Variants in SGSH observed in about 807,000 individuals in gnomAD.
SGSH encodes heparan sulfate sulfatase.
SGSH carries 48 observed loss-of-function variants against 51.0 expected under a neutral mutation model. The ratio of observed to expected loss-of-function variants is 0.94; its 90% CI spans 0.75 to 1.20. The LOEUF (loss-of-function observed/expected upper bound fraction) is 1.20. Among genes scored for constraint, SGSH ranks in the 50% most tolerant of loss-of-function variants. The probability of loss-of-function intolerance (pLI) is 0.00; values close to 1 mark genes in which losing one functional copy is unlikely to be tolerated. For missense variants in SGSH, 662 were observed against 717.8 expected (o/e 0.92, Z 0.89); for synonymous variants, 321 against 313.4 (o/e 1.02, Z -0.26).
At chr17:80,206,883 G>A, downstream of SGSH, 1 of 842,720 alleles carries the variant, frequency 1.2e-6, no homozygotes. Context: ...AGCCTGTCCG[G>A]AGGGCCCTTC....
chr17:80,202,186 A>T (rs1184669014), downstream of SGSH: 2 of 1,613,448 alleles, frequency 1.2e-6, no homozygotes, highest in South Asian at 2.2e-5. Context: ...TCAGGTTATA[A>T]GAGGCTACTC....
At chr17:80,206,202 C>G (rs761821633), downstream of SGSH, among the ~76,000 whole-genome samples, 51 of 152,316 alleles carry the variant, frequency 3.3e-4, no homozygotes, top group Non-Finnish European at 4.4e-4. Context: ...CTGGGGCTCA[C>G]GCCTGTCATC....
rs2041753515 is a variant in SGSH, at chr17:80,213,425, G to A, written c.745+379C>T. On this transcript the variant is annotated intron_variant, in intron 6 of 7. Coordinates refer to ENST00000326317, the MANE Select transcript of SGSH (RefSeq NM_000199.5). The surrounding 1 kb of genome is among the most constrained non-coding windows in gnomAD (Gnocchi z 4.6). ...ACTTCTGGCCTCCTGAACTGTGGGA[G>A]TACAAATTTTGGTTGCTGTAAGCCA... The A allele has an allele frequency of 7.1e-6, 2 of 279,818 alleles. No individual in the cohort carries two copies. The highest frequency in any genetic ancestry group is 8.9e-5 in the South Asian group (2 of 22,518). 17.3% of individuals were successfully genotyped at this position (279,818 alleles called of 1,614,324 possible).
Position 80,210,013 on chromosome 17 carries a change from T to C in SGSH, c.*439A>G. ...CCCACGCGGCACCGAAGCCCCTGCC[T>C]GCTCTCTGTGAAGGGTTCAGAAGTA... On this transcript the variant is annotated 3_prime_UTR_variant, in exon 8 of 8. Transcript: ENST00000326317. 2.9e-6 allele frequency: 3 copies of C among 1,049,546 alleles called. No homozygotes were observed. The highest frequency in any genetic ancestry group is 3.5e-6 in the Non-Finnish European group (3 of 868,804). The allele number at this position is 1,049,546 out of a possible 1,614,324, so 65.0% of individuals were successfully genotyped here.
At chr17:80,205,601 CG>C, downstream of SGSH, 7 of 1,376,938 alleles carry the variant, frequency 5.1e-6, no homozygotes, top group Non-Finnish European at 6.8e-6. Context: ...GAGAGGTGTC[CG>C]GGGGCCGCTG....
At position 80,214,621 on chromosome 17, in the gene SGSH, T is replaced by C; in HGVS notation, c.500A>G (p.Asp167Gly). Residue 167 changes from aspartate to glycine, a missense_variant, in exon 4 of 8, where the codon GAT becomes GGT. Transcript: ENST00000326317. ...LLVRKFLQTQDDRPFFLYVAF... is the reference protein window; with the variant it reads ...LLVRKFLQTQGDRPFFLYVAF... ...CAGGGGCCCCGACTCATACCGGTCA[T>C]CCTGAGTCTGCAGGAATTTCCGGAC... is the stretch of plus-strand genomic sequence containing the variant. The C allele has an allele frequency of 1.9e-6, 3 of 1,612,986 alleles. No homozygotes were observed. Among genetic ancestry groups the C allele is most frequent in the South Asian group, 2.2e-5 (2 of 90,980 alleles).
intron 2 of SGSH, among the ~76,000 whole-genome samples, chr17:80,215,850 G>A (rs2041871314): frequency 6.6e-6 from 1 of 152,118 alleles, no homozygotes; most frequent in South Asian, 2.1e-4. Flanking sequence ...GTTCATAGCA[G>A]CTTTATTCAC....
At chr17:80,201,440 C>CTT in the SGSH span, 1 of 367,914 alleles carries the variant, frequency 2.7e-6, no homozygotes, top group Non-Finnish European at 5.0e-6. The surrounding 1 kb of genome is among the most constrained non-coding windows in gnomAD (Gnocchi z 5.0). Context: ...AACCGAGGTT[C>CTT]TTTCTTTTCT....
At chr17:80,216,971 G>A (rs1205621615) in intron 2 of SGSH, 61 bp downstream of exon 2, 22 of 1,461,820 alleles carry the variant, frequency 1.5e-5, no homozygotes, top group Non-Finnish European at 2.0e-5. Flanking sequence ...CAGAGGCCTG[G>A]GCCCCGGACG....
rs372328165 is a variant in SGSH at position 80,214,772 on chromosome 17, G to A, written c.356-7C>T. ...TGCTTCTTCCCGATGATGCCTGGGC[G>A]GGAAGAGAGGCCTGGCCAGAGTCCC... On this transcript the variant is annotated splice_region_variant and splice_polypyrimidine_tract_variant and intron_variant, in intron 3 of 7. Coordinates refer to ENST00000326317, the MANE Select transcript of SGSH (RefSeq NM_000199.5). The A allele has an allele frequency of 4.0e-5, 65 of 1,609,970 alleles. 1 individual carries two copies. Among genetic ancestry groups the A allele is most frequent in the African/African-American group, 2.7e-4 (20 of 75,044 alleles).
downstream of SGSH, chr17:80,203,756 G>T: frequency 7.7e-7 from 1 of 1,300,202 alleles, no homozygotes; most frequent in Admixed American, 2.2e-5. This position sits in a 1 kb window ranked among gnomAD's most constrained non-coding sequence, Gnocchi z 4.6. Context: ...TCCCCTGCTC[G>T]GCTCTCCCCT....
In SGSH at chr17:80,214,252, C is replaced by A; in HGVS notation, c.583G>T (p.Glu195Ter). ...CCGCTCTCTCCGTTGCCAAACTTCT[C>A]ACAGAAGGTTCCGTACTGGGGCTGG... ...HSQPQYGTFC[E>*]KFGNGESGMG... Residue 195 changes from glutamate to a stop codon, truncating the protein, a stop_gained, in exon 5 of 8, where the codon GAG (glutamate) becomes TAG (stop). Transcript: ENST00000326317. LOFTEE classifies it high-confidence loss of function. 6.2e-7 allele frequency: 1 copy of A among 1,613,290 alleles called. No individual in the cohort carries two copies. Among genetic ancestry groups the A allele is most frequent in the Non-Finnish European group, 8.5e-7 (1 of 1,180,018 alleles).
rs1463726853 is a variant in SGSH at position 80,209,904 on chromosome 17, C to T, written c.*548G>A. 1.9e-5 allele frequency: 19 copies of T among 992,306 alleles called. No homozygotes were observed. Among genetic ancestry groups the T allele is most frequent in the South Asian group, 9.1e-5 (2 of 21,910 alleles). The allele number at this position is 992,306 out of a possible 1,614,324, so 61.5% of individuals were successfully genotyped here. A position where few individuals can be genotyped will look rare whatever the true frequency, so the allele number is the denominator to read the frequency against. ...AAGAAGCAGAAACCTGCCCAAAGGT[C>T]GCTCAAAGGCTTCCTCTAGGCCAGA... On this transcript the variant is annotated 3_prime_UTR_variant, in exon 8 of 8. Transcript: ENST00000326317.
In SGSH at chr17:80,216,995, C is replaced by A. The variant is rs928092342; in HGVS notation, c.249+37G>T. 26 of 1,522,152 alleles carry A rather than the reference C, an allele frequency of 1.7e-5. 1 individual carries two copies. Among genetic ancestry groups the A allele is most frequent in the Middle Eastern group, 4.5e-4 (2 of 4,408 alleles). 94.3% of individuals were successfully genotyped at this position (1,522,152 alleles called of 1,614,324 possible). On this transcript the variant is annotated intron_variant, in intron 2 of 7. Transcript: ENST00000326317. The stretch of plus-strand genomic sequence containing the variant: ...GGGCCCCGGACGCAGCCTGTCTACT[C>A]CCTGCCCACCCCCTCCTCCCGCCCC...
intron 1 of SGSH, among the ~76,000 whole-genome samples, chr17:80,218,246 C>T (rs2041964637): frequency 6.6e-6 from 1 of 152,244 alleles, no homozygotes; most frequent in South Asian, 2.1e-4. Flanking sequence ...CCCACCGCTG[C>T]TTCTCACTGA....
rs973461671 is a variant in SGSH, at chr17:80,209,656, C to A, written c.*796G>T. ...ACGCCAGTGTCACCGAAGAATTAAC[C>A]CAAGCCAGAGGACGGGCATCACCAC... On this transcript the variant is annotated 3_prime_UTR_variant, in exon 8 of 8. Coordinates refer to ENST00000326317, the MANE Select transcript of SGSH (RefSeq NM_000199.5). 6 of 983,128 alleles carry A rather than the reference C, an allele frequency of 6.1e-6. No homozygotes were observed. The African/African-American group carries it at 1.1e-4, about 17-fold the overall frequency. The allele number at this position is 983,128 out of a possible 1,614,324, so 60.9% of individuals were successfully genotyped here. A position where few individuals can be genotyped will look rare whatever the true frequency, so the allele number is the denominator to read the frequency against.
intron 4 of SGSH, 70 bp from the exon 5 acceptor site, chr17:80,214,398 C>A: frequency 6.5e-7 from 1 of 1,529,594 alleles, no homozygotes; most frequent in South Asian, 1.2e-5. Flanking sequence ...CCCCTCGGCT[C>A]TGCCTCCTCC....
the SGSH span, chr17:80,201,022 C>A: frequency 6.6e-6 from 1 of 152,458 alleles, no homozygotes; most frequent in Non-Finnish European, 1.5e-5. This position sits in a 1 kb window ranked among gnomAD's most constrained non-coding sequence, Gnocchi z 5.0. Flanking sequence ...TGGACCAGTA[C>A]CAGTATGTGG....
In SGSH at chr17:80,212,387, C is replaced by T. The variant is rs551090454; in HGVS notation, c.746-113G>A. On this transcript the variant is annotated intron_variant, in intron 6 of 7. Transcript: ENST00000326317. This position sits in a 1 kb window ranked among gnomAD's most constrained non-coding sequence, Gnocchi z 5.9. ...CCGGCCGCTGGGCTCCAGCGCTTTCCGGATTCGAAAGCACCCTGTAGTTCT... is the reference window on the plus strand; with the variant it reads ...CCGGCCGCTGGGCTCCAGCGCTTTCTGGATTCGAAAGCACCCTGTAGTTCT... 23 of 958,868 alleles carry T rather than the reference C, an allele frequency of 2.4e-5. No individual in the cohort carries two copies. The highest frequency in any genetic ancestry group is 1.5e-4 in the African/African-American group (9 of 61,692). 59.4% of individuals were successfully genotyped at this position (958,868 alleles called of 1,614,324 possible). A position where few individuals can be genotyped will look rare whatever the true frequency, so the allele number is the denominator to read the frequency against.
Sources: gnomAD v4.1 joint callset for allele counts (sites outside exome capture counted in the v4.1 genomes callset) on GRCh38, gnomAD v4.1.1 for gene constraint, Gnocchi (gnomAD v3.1) non-coding constraint, MANE v1.5 for transcripts, NCBI Gene and HGNC (gene_info 2026-07-23, HGNC 2026-07-21) for gene names.